The following PLCB1 variants were observed in gnomAD, a reference collection of about 807,000 sequenced individuals.
PLCB1 encodes phospholipase C beta 1.
PLCB1 carries 46 observed loss-of-function variants against 161.8 expected under a neutral mutation model. The ratio of observed to expected loss-of-function variants is 0.28; its 90% CI spans 0.22 to 0.36. The LOEUF is 0.36. PLCB1 is among the 10% of genes least tolerant of loss of function. The probability of loss-of-function intolerance (pLI) is 1.00; values close to 1 mark genes in which losing one functional copy is unlikely to be tolerated. For missense variants in PLCB1, 1,016 were observed against 1,472.5 expected, an observed-to-expected ratio of 0.69 and a Z score of 5.07; for synonymous variants, 517 against 503.7, an observed-to-expected ratio of 1.03 and a Z score of -0.35.
chr20:8,809,522 C>T (rs1164897829), intron 31 of PLCB1, among the ~76,000 whole-genome samples: 1 of 152,020 alleles, frequency 6.6e-6, no homozygotes, highest in South Asian at 2.1e-4. Context: ...CATTGAAAAT[C>T]AACAATCTCT....
intron 2 of PLCB1, among the ~76,000 whole-genome samples, chr20:8,165,480 C>T (rs1600210580): frequency 6.6e-6 from 1 of 152,180 alleles, no homozygotes; most frequent in African/African-American, 2.4e-5. Context: ...GAAACCCTCT[C>T]TTCTGTTCTT....
chr20:8,300,864 A>G (rs1262908052), intron 2 of PLCB1, among the ~76,000 whole-genome samples: 1 of 152,146 alleles, frequency 6.6e-6, no homozygotes, highest in African/African-American at 2.4e-5. Context: ...TATCCTCACT[A>G]TAGCCCCAGG....
chr20:8,413,318 T>C (rs1979124317), intron 3 of PLCB1, among the ~76,000 whole-genome samples: 1 of 152,230 alleles, frequency 6.6e-6, no homozygotes, highest in African/African-American at 2.4e-5. Context: ...TTGACAAAGA[T>C]GGGGTGTGCT....
At chr20:8,418,911 G>T (rs1979417843) in intron 3 of PLCB1, among the ~76,000 whole-genome samples, 1 of 152,090 alleles carries the variant, frequency 6.6e-6, no homozygotes, top group Non-Finnish European at 1.5e-5. Flanking sequence ...TACACAGAGG[G>T]GAGAGGGCAA....
At chr20:8,761,791 G>T (rs577607886) in intron 25 of PLCB1, among the ~76,000 whole-genome samples, 217 of 150,228 alleles carry the variant, frequency 1.4e-3, no homozygotes, top group Non-Finnish European at 2.7e-3. Context: ...ACGGTGATTC[G>T]CCACGTTGGC....
chr20:8,423,835 G>T (rs184859676), intron 3 of PLCB1, among the ~76,000 whole-genome samples: 1 of 152,230 alleles, frequency 6.6e-6, no homozygotes, highest in Admixed American at 6.5e-5. Context: ...ATTTCATGAG[G>T]CAGGGTCCTA....
At chr20:8,275,475 G>A (rs1466303393) in intron 2 of PLCB1, among the ~76,000 whole-genome samples, 1 of 152,202 alleles carries the variant, frequency 6.6e-6, no homozygotes, top group Non-Finnish European at 1.5e-5. Context: ...TTGTGGTTAT[G>A]AACAAGAATT....
At chr20:8,775,046 TAAG>T (rs1428958136) in intron 27 of PLCB1, among the ~76,000 whole-genome samples, 3 of 149,784 alleles carry the variant, frequency 2.0e-5, no homozygotes, top group African/African-American at 7.3e-5. Flanking sequence ...TTTAAGAAAT[TAAG>T]AACATGTTGC....
intron 4 of PLCB1, among the ~76,000 whole-genome samples, chr20:8,641,298 T>C (rs1600218120): frequency 6.6e-6 from 1 of 152,224 alleles, no homozygotes; most frequent in African/African-American, 2.4e-5. Context: ...AGAATGGTTA[T>C]TGAAACTTAT....
intron 3 of PLCB1, among the ~76,000 whole-genome samples, chr20:8,551,507 GC>G (rs1985775239): frequency 6.6e-6 from 1 of 152,102 alleles, no homozygotes; most frequent in Non-Finnish European, 1.5e-5. Flanking sequence ...ACCGTCCTGT[GC>G]GCATCAGCTA....
intron 2 of PLCB1, among the ~76,000 whole-genome samples, chr20:8,180,450 G>C (rs1249167763): frequency 6.6e-6 from 1 of 152,182 alleles, no homozygotes; most frequent in Admixed American, 6.5e-5. Flanking sequence ...TTTGGTAGCA[G>C]AATGATGCTG....
chr20:8,284,983 G>A (rs1463411649), intron 2 of PLCB1, among the ~76,000 whole-genome samples: 5 of 151,854 alleles, frequency 3.3e-5, no homozygotes, highest in Non-Finnish European at 5.9e-5. Flanking sequence ...TTATGTGCTC[G>A]TTTTCTAATA....
chr20:8,415,918 G>T (rs1979250237), intron 3 of PLCB1, among the ~76,000 whole-genome samples: 1 of 152,190 alleles, frequency 6.6e-6, no homozygotes, highest in Non-Finnish European at 1.5e-5. Flanking sequence ...CTTGGCCACA[G>T]GGTGTAAAGG....
intron 3 of PLCB1, among the ~76,000 whole-genome samples, chr20:8,572,900 A>G (rs562754662): frequency 6.6e-6 from 1 of 152,274 alleles, no homozygotes; most frequent in South Asian, 2.1e-4. Context: ...GTGAAAGGTC[A>G]TTTTTGGAGA....
At chr20:8,457,203 T>C (rs770152591) in intron 3 of PLCB1, among the ~76,000 whole-genome samples, 1 of 152,226 alleles carries the variant, frequency 6.6e-6, no homozygotes. Context: ...TGTGAAGCAC[T>C]GTCCCCTCTC....
chr20:8,874,064 A>C (rs919134428), intron 31 of PLCB1, among the ~76,000 whole-genome samples: 2 of 152,030 alleles, frequency 1.3e-5, no homozygotes, highest in East Asian at 1.9e-4. Context: ...TTAAATTTCA[A>C]ATGTTCTCAC....
chr20:8,753,295 C>T (rs1981577737), intron 23 of PLCB1, among the ~76,000 whole-genome samples: 1 of 152,092 alleles, frequency 6.6e-6, no homozygotes, highest in African/African-American at 2.4e-5. Context: ...TTGAGTCATA[C>T]TGAAACCATC....
intron 31 of PLCB1, among the ~76,000 whole-genome samples, chr20:8,873,566 G>A (rs746975775): frequency 2.6e-5 from 4 of 151,916 alleles, no homozygotes; most frequent in Non-Finnish European, 4.4e-5. Context: ...TACCATAAAA[G>A]TGAGAAATAG....
At chr20:8,321,328 C>T (rs1233212833) in intron 2 of PLCB1, among the ~76,000 whole-genome samples, 2 of 152,168 alleles carry the variant, frequency 1.3e-5, no homozygotes, top group African/African-American at 2.4e-5. Flanking sequence ...TTGCTGTTTC[C>T]TAATTGGTAT....
Sources: gnomAD v4.1 joint callset for allele counts (sites outside exome capture counted in the v4.1 genomes callset) on GRCh38, gnomAD v4.1.1 for gene constraint, MANE v1.5 for transcripts, NCBI Gene and HGNC (gene_info 2026-07-23, HGNC 2026-07-21) for gene names.